VPS36: variants seen among roughly 807,000 people sequenced by gnomAD.
VPS36 encodes the protein vacuolar protein-sorting-associated protein 36.
In VPS36, 31 loss-of-function variants were observed where a neutral mutation model predicts 63.5. The ratio of observed to expected loss-of-function variants is 0.49; its 90% CI spans 0.37 to 0.66. The LOEUF (loss-of-function observed/expected upper bound fraction) is 0.66. Ranked by LOEUF, VPS36 falls within the 30% of genes least tolerant of loss-of-function variation. The pLI, the probability that VPS36 is intolerant of heterozygous loss-of-function variation, is 0.00. For synonymous variants in VPS36, 138 were observed against 157.2 expected (o/e 0.88, Z 0.91); for missense variants, 338 against 463.7 (o/e 0.73, Z 2.49).
chr13:52,417,282 C>T, intron 11 of VPS36, 141 bp from the exon 12 acceptor site: 1 of 624,908 alleles, frequency 1.6e-6, no homozygotes, highest in Non-Finnish European at 2.8e-6. Context: ...ACATATCAAA[C>T]CCAAGCAACA....
intron 6 of VPS36, among the ~76,000 whole-genome samples, chr13:52,430,288 T>C (rs1235358848): frequency 6.6e-6 from 1 of 152,096 alleles, no homozygotes; most frequent in Non-Finnish European, 1.5e-5. Flanking sequence ...GCAGTGAAAC[T>C]GCAACATACA....
At chr13:52,436,727 G>A (rs920394211) in intron 3 of VPS36, among the ~76,000 whole-genome samples, 2 of 152,130 alleles carry the variant, frequency 1.3e-5, no homozygotes, top group Non-Finnish European at 2.9e-5. Context: ...AACTACAAAC[G>A]TCCCCAGAGG....
chr13:52,449,298 C>A (rs528164836), intron 1 of VPS36, among the ~76,000 whole-genome samples: 1 of 152,292 alleles, frequency 6.6e-6, no homozygotes, highest in Admixed American at 6.5e-5. Context: ...CAGATCGCGC[C>A]ACTGCACTCC....
At chr13:52,432,031 A>G (rs540898296) in intron 6 of VPS36, among the ~76,000 whole-genome samples, 1 of 152,172 alleles carries the variant, frequency 6.6e-6, no homozygotes, top group South Asian at 2.1e-4. Context: ...GCTAAACTCC[A>G]TGAATTCATA....
intron 6 of VPS36, chr13:52,429,147 A>G (rs1411019569): frequency 1.8e-6 from 1 of 547,794 alleles, no homozygotes; most frequent in Non-Finnish European, 2.3e-6. Flanking sequence ...CTATAGTCAA[A>G]TTTCCACTCC....
chr13:52,441,074 C>T (rs182415800), intron 2 of VPS36, among the ~76,000 whole-genome samples: 4 of 152,246 alleles, frequency 2.6e-5, no homozygotes, highest in Admixed American at 2.6e-4. Flanking sequence ...GCTTACCTGT[C>T]ACTTATCCCT....
intron 10 of VPS36, 126 bp downstream of exon 10, chr13:52,423,448 T>C: frequency 2.8e-6 from 2 of 722,414 alleles, no homozygotes; most frequent in South Asian, 4.4e-5. Flanking sequence ...ACAGTATTCT[T>C]TCACTGTACC....
At chr13:52,450,349 T>G (rs543773652) in intron 1 of VPS36, 150 bp downstream of exon 1, 3 of 1,207,458 alleles carry the variant, frequency 2.5e-6, no homozygotes, top group Non-Finnish European at 3.1e-6. Flanking sequence ...GCAAGAGCGC[T>G]GCACCCCGCA....
In VPS36 at chr13:52,421,369, G is replaced by T. The variant is rs79324729; in HGVS notation, c.840+2205C>A. Reference sequence around the variant, plus strand: ...AAGAGTGGCTACCAGAGGCTGGGGAGGGTAGGTGGGAGGAGGGGATGGAGA... The same window carrying T: ...AAGAGTGGCTACCAGAGGCTGGGGATGGTAGGTGGGAGGAGGGGATGGAGA... On this transcript the variant is annotated intron_variant, in intron 10 of 13. Transcript: ENST00000378060. 8.9e-3 allele frequency among the ~76,000 whole-genome samples: 1,349 copies of T among 152,164 alleles called. 18 individuals are homozygous for T. Among genetic ancestry groups the T allele is most frequent in the African/African-American group, 0.031 (1,289 of 41,506 alleles).
At chr13:52,445,434 T>C (rs1027534936) in intron 1 of VPS36, among the ~76,000 whole-genome samples, 1 of 150,254 alleles carries the variant, frequency 6.7e-6, no homozygotes, top group African/African-American at 2.5e-5. Context: ...GGTCAGGAGA[T>C]CGAGACCATC....
rs186833963 is a variant in VPS36, at chr13:52,427,374, G to C, written c.529-155C>G. Reference sequence around the variant, plus strand: ...TAATCCCAGCACTCTGGGAGGCCGAGGCAGGCAGATCACGAGGTCAGGAGA... The same window carrying C: ...TAATCCCAGCACTCTGGGAGGCCGACGCAGGCAGATCACGAGGTCAGGAGA... On this transcript the variant is annotated intron_variant, in intron 6 of 13. Coordinates refer to ENST00000378060, the MANE Select transcript of VPS36 (RefSeq NM_016075.4). 1.9e-3 allele frequency among the ~76,000 whole-genome samples: 290 copies of C among 152,300 alleles called. 2 individuals carry two copies. The highest frequency in any genetic ancestry group is 3.0e-3 in the Non-Finnish European group (203 of 68,026).
At chr13:52,422,992 T>C (rs1247463308) in intron 10 of VPS36, among the ~76,000 whole-genome samples, 2 of 152,158 alleles carry the variant, frequency 1.3e-5, no homozygotes, top group Admixed American at 1.3e-4. Context: ...TGAGATCTGA[T>C]GGTTTTAAAA....
intron 4 of VPS36, among the ~76,000 whole-genome samples, chr13:52,435,446 A>G (rs1958206141): frequency 6.6e-6 from 1 of 152,178 alleles, no homozygotes; most frequent in African/African-American, 2.4e-5. Flanking sequence ...TATTCTCAAC[A>G]AAGAGATGAG....
At chr13:52,440,238 C>A (rs2137803709) in intron 2 of VPS36, among the ~76,000 whole-genome samples, 1 of 152,238 alleles carries the variant, frequency 6.6e-6, no homozygotes, top group African/African-American at 2.4e-5. Flanking sequence ...CTCGGCCTCC[C>A]AAAGTACTGG....
chr13:52,447,829 C>G (rs1958360918), intron 1 of VPS36, among the ~76,000 whole-genome samples: 1 of 150,232 alleles, frequency 6.7e-6, no homozygotes, highest in Non-Finnish European at 1.5e-5. Flanking sequence ...GTTGCCTAGG[C>G]TGGAGTGCAG....
rs746898629 is a variant in VPS36, at chr13:52,426,969, A to T, written c.639+20T>A. 6.3e-6 allele frequency: 10 copies of T among 1,593,110 alleles called. No individual in the cohort carries two copies. The highest frequency in any genetic ancestry group is 2.3e-5 in the South Asian group (2 of 88,072). The stretch of plus-strand genomic sequence containing the variant: ...TGTGTTATCTAGTTTCAAATGCCTT[A>T]AAAAAAGCAACTTATTTACCTCATC... On this transcript the variant is annotated intron_variant, in intron 8 of 13. Transcript: ENST00000378060.
At chr13:52,441,510 T>C (rs1958276114) in intron 2 of VPS36, among the ~76,000 whole-genome samples, 1 of 152,164 alleles carries the variant, frequency 6.6e-6, no homozygotes, top group African/African-American at 2.4e-5. Flanking sequence ...CCCAGCACTT[T>C]GGGAGGCCGA....
At chr13:52,444,953 A>G (rs931802795) in intron 1 of VPS36, among the ~76,000 whole-genome samples, 8 of 152,236 alleles carry the variant, frequency 5.3e-5, no homozygotes, top group African/African-American at 1.9e-4. Context: ...TGCATAATAA[A>G]TAACACACTT....
chr13:52,438,574 C>T (rs1958242237), intron 3 of VPS36, among the ~76,000 whole-genome samples: 1 of 152,204 alleles, frequency 6.6e-6, no homozygotes, highest in South Asian at 2.1e-4. Context: ...GTTTTCGGTA[C>T]ATTTGAATAA....
Sources: allele counts gnomAD v4.1 joint callset (sites outside exome capture counted in the v4.1 genomes callset), GRCh38; gene constraint gnomAD v4.1.1; transcripts MANE v1.5; gene names NCBI Gene and HGNC (gene_info 2026-07-23, HGNC 2026-07-21).